Variants in SPIN1 observed in about 807,000 individuals in gnomAD.
SPIN1 encodes spindlin-1.
SPIN1 carries 3 observed loss-of-function variants against 26.0 expected under a neutral mutation model. That is an observed-to-expected ratio of 0.12 (90% CI 0.05 to 0.30). SPIN1 has a LOEUF of 0.30. SPIN1 is among the 10% of genes least tolerant of loss of function. SPIN1 has a pLI of 1.00. For synonymous variants in SPIN1, 101 were observed against 116.5 expected (o/e 0.87, Z 0.86); for missense variants, 126 against 333.4 (o/e 0.38, Z 4.84).
At chr9:88,469,620 GTCT>G (rs1828737656) in intron 5 of SPIN1, among the ~76,000 whole-genome samples, 2 of 152,110 alleles carry the variant, frequency 1.3e-5, no homozygotes, top group African/African-American at 4.8e-5. Flanking sequence ...GCTCAAGCGA[GTCT>G]TCTGCCCCAG....
At chr9:88,434,344 GTTTATTTTATAAATTATAAAATAGT>G (rs1256801138) in intron 2 of SPIN1, among the ~76,000 whole-genome samples, 1 of 119,762 alleles carries the variant, frequency 8.3e-6, no homozygotes, top group Admixed American at 8.6e-5. Context: ...TTATAAAATA[GTTTATTTTATAAATTATAAAATAGT>G]TTATTTTATA....
chr9:88,461,752 T>G (rs1828580506), intron 3 of SPIN1, among the ~76,000 whole-genome samples: 1 of 152,188 alleles, frequency 6.6e-6, no homozygotes, highest in Non-Finnish European at 1.5e-5. Context: ...AAATGAAGAT[T>G]TTTTCCTGAT....
At chr9:88,459,560 G>GAC (rs60279492) in intron 3 of SPIN1, among the ~76,000 whole-genome samples, 28,606 of 151,912 alleles carry the variant, frequency 0.19, 3,491 homozygotes, top group African/African-American at 0.35. Flanking sequence ...AAGTTTATAA[G>GAC]ACACTCACTA....
intron 5 of SPIN1, among the ~76,000 whole-genome samples, chr9:88,471,857 G>T (rs1020562962): frequency 2.0e-5 from 3 of 151,718 alleles, no homozygotes; most frequent in Non-Finnish European, 4.4e-5. Flanking sequence ...TTTTGAGACA[G>T]TCGCACTCTG....
At chr9:88,399,638 G>A (rs1827144388) in intron 1 of SPIN1, among the ~76,000 whole-genome samples, 2 of 152,140 alleles carry the variant, frequency 1.3e-5, no homozygotes, top group Admixed American at 1.3e-4. Flanking sequence ...ACACGAATGG[G>A]GTGAGTCAGA....
intron 1 of SPIN1, among the ~76,000 whole-genome samples, chr9:88,415,910 ATTTTTT>A (rs34382784): frequency 7.6e-6 from 1 of 131,714 alleles, no homozygotes; most frequent in African/African-American, 2.9e-5. Context: ...TGCTCGGCTA[ATTTTTT>A]TTTTTTTTTT....
chr9:88,388,896 C>T (rs1015098074), intron 1 of SPIN1, among the ~76,000 whole-genome samples: 3 of 150,318 alleles, frequency 2.0e-5, no homozygotes, highest in Admixed American at 2.0e-4. Flanking sequence ...GCGGGGAGGC[C>T]GGCGGGCAGG....
chr9:88,446,696 C>T (rs1242604128), intron 2 of SPIN1, among the ~76,000 whole-genome samples: 3 of 152,200 alleles, frequency 2.0e-5, no homozygotes, highest in Admixed American at 6.5e-5. Flanking sequence ...GCGTGAGCCA[C>T]TGCGCCAGCC....
At chr9:88,445,128 G>T (rs1828220116) in intron 2 of SPIN1, among the ~76,000 whole-genome samples, 1 of 152,240 alleles carries the variant, frequency 6.6e-6, no homozygotes, top group Admixed American at 6.5e-5. Context: ...GTGTGGGGTT[G>T]TGTGTAAGTT....
chr9:88,404,390 TAC>T (rs1367471398), intron 1 of SPIN1, among the ~76,000 whole-genome samples: 1 of 152,176 alleles, frequency 6.6e-6, no homozygotes, highest in Non-Finnish European at 1.5e-5. Context: ...TCTTGGCTGC[TAC>T]AGTCAGACAG....
At chr9:88,412,068 A>G (rs1218705386) in intron 1 of SPIN1, among the ~76,000 whole-genome samples, 3 of 151,692 alleles carry the variant, frequency 2.0e-5, no homozygotes, top group South Asian at 4.2e-4. Context: ...AGTCCCAGCT[A>G]CTCGGGAGGC....
At position 88,477,738 on chromosome 9, in the gene SPIN1, A is replaced by G. The variant is rs1828913081; in HGVS notation, c.*2461A>G. ...TTCCTTGTTCCAGGAATTCAACATT[A>G]ATTTCCAAAAGTATCATGGGACTTG... On this transcript the variant is annotated 3_prime_UTR_variant, in exon 6 of 6. Transcript: ENST00000375859. The G allele has an allele frequency of 6.6e-6, 1 of 152,598 alleles. No homozygotes were observed. The highest frequency in any genetic ancestry group is 1.5e-5 in the Non-Finnish European group (1 of 68,028). 9.5% of individuals were successfully genotyped at this position (152,598 alleles called of 1,614,324 possible).
At chr9:88,429,427 C>T (rs1274146055) in intron 2 of SPIN1, among the ~76,000 whole-genome samples, 1 of 152,138 alleles carries the variant, frequency 6.6e-6, no homozygotes, top group Non-Finnish European at 1.5e-5. Context: ...GTCTGAACAG[C>T]CATAAATTGG....
chr9:88,449,402 G>A (rs1344126761), intron 3 of SPIN1, among the ~76,000 whole-genome samples: 4 of 152,090 alleles, frequency 2.6e-5, no homozygotes, highest in African/African-American at 9.7e-5. Context: ...GGGAGGGCCT[G>A]CCTAGCATGG....
intron 5 of SPIN1, among the ~76,000 whole-genome samples, chr9:88,471,300 T>TTTGC (rs1828778436): frequency 1.3e-5 from 2 of 152,186 alleles, no homozygotes; most frequent in Non-Finnish European, 2.9e-5. Context: ...TTCATTTTTT[T>TTTGC]TTGCTTGTGA....
At chr9:88,389,212 C>T (rs887369331) in intron 1 of SPIN1, among the ~76,000 whole-genome samples, 32 of 152,190 alleles carry the variant, frequency 2.1e-4, no homozygotes, top group African/African-American at 6.5e-4. Flanking sequence ...TCTTCGCCGC[C>T]CTCCGTGGGG....
intron 3 of SPIN1, among the ~76,000 whole-genome samples, chr9:88,458,527 C>T (rs1222009008): frequency 6.6e-6 from 1 of 152,064 alleles, no homozygotes; most frequent in Non-Finnish European, 1.5e-5. Flanking sequence ...TTATCAGGAG[C>T]AACTGCAGAT....
chr9:88,389,006 CGGGGCGGGGGGA>C (rs1156934467), intron 1 of SPIN1, among the ~76,000 whole-genome samples: 19 of 64,992 alleles, frequency 2.9e-4, no homozygotes, highest in African/African-American at 4.5e-4. Context: ...GCGACGGGGG[CGGGGCGGGGGGA>C]GGGGCGGGAC....
At chr9:88,456,001 A>G (rs1828463681) in intron 3 of SPIN1, among the ~76,000 whole-genome samples, 1 of 152,206 alleles carries the variant, frequency 6.6e-6, no homozygotes, top group South Asian at 2.1e-4. Context: ...CATCATAGAG[A>G]TAACGCTCTG....
Sources: allele counts gnomAD v4.1 joint callset (sites outside exome capture counted in the v4.1 genomes callset), GRCh38; gene constraint gnomAD v4.1.1; transcripts MANE v1.5; gene names NCBI Gene and HGNC (gene_info 2026-07-23, HGNC 2026-07-21).